MOV10: variants seen among roughly 807,000 people sequenced by gnomAD.
MOV10 encodes the protein Mov10 RNA helicase, also known as RNA helicase MOV-10.
In MOV10, 39 loss-of-function variants were observed where a neutral mutation model predicts 108.4. The ratio of observed to expected loss-of-function variants is 0.36; its 90% CI spans 0.28 to 0.47. MOV10 has a LOEUF of 0.47. Among genes scored for constraint, MOV10 ranks in the 20% least tolerant of loss-of-function variants. The pLI is 1.00. For synonymous variants in MOV10, 490 were observed against 523.1 expected (o/e 0.94, Z 0.86); for missense variants, 952 against 1,297.6 (o/e 0.73, Z 4.09).
chr1:112,689,923 C>T lies in MOV10; in HGVS notation c.661C>T (p.Pro221Ser). Residue 221 changes from proline (P) to serine (S), a missense_variant, in exon 5 of 21, where the codon CCT becomes TCT. Coordinates refer to ENST00000369645, the MANE Select transcript of MOV10 (RefSeq NM_001321324.2). ...PATVLWELLG[P>S]GESGSEGAGT... ...CACAGTGCTCTGGGAGCTGCTGGGA[C>T]CTGGGGAGTCGGGTTCAGAAGGAGC... 1 of 1,614,204 alleles carries T rather than the reference C, an allele frequency of 6.2e-7. No individual in the cohort carries two copies. Among genetic ancestry groups the T allele is most frequent in the South Asian group, 1.1e-5 (1 of 91,088 alleles).
chr1:112,698,216 G>T (rs1227102670), intron 15 of MOV10, 71 bp from the exon 16 acceptor site: 1 of 1,601,326 alleles, frequency 6.2e-7, no homozygotes, highest in Non-Finnish European at 8.5e-7. Flanking sequence ...TTACTCTCTG[G>T]AAGGGTTTGG....
chr1:112,695,388 T>A, intron 10 of MOV10, 28 bp from the exon 11 acceptor site: 1 of 1,610,182 alleles, frequency 6.2e-7, no homozygotes, highest in Non-Finnish European at 8.5e-7. Context: ...GGAACCTGCC[T>A]CCCACACTGC....
At position 112,689,935 on chromosome 1, in the gene MOV10, G is replaced by A; in HGVS notation, c.673G>A (p.Gly225Ser). The change falls in exon 5 of 21, where the codon GGT becomes AGT. Residue 225 changes from glycine to serine, a missense_variant. Gly to Ser is a moderately conservative substitution (Grantham distance 56). Coordinates refer to ENST00000369645, the MANE Select transcript of MOV10 (RefSeq NM_001321324.2). ...LWELLGPGESGSEGAGTFYIA... is the reference protein window; with the variant it reads ...LWELLGPGESSSEGAGTFYIA... ...GGAGCTGCTGGGACCTGGGGAGTCGGGTTCAGAAGGAGCCGGCACATTCTA... is the reference window on the plus strand; with the variant it reads ...GGAGCTGCTGGGACCTGGGGAGTCGAGTTCAGAAGGAGCCGGCACATTCTA... The A allele has an allele frequency of 6.2e-7, 1 of 1,614,186 alleles. No individual in the cohort carries two copies. Among genetic ancestry groups the A allele is most frequent in the African/African-American group, 1.3e-5 (1 of 75,042 alleles).
rs1391739211 is a variant in MOV10, at chr1:112,692,926, G to A, written c.1137G>A (p.Leu379=). The change falls in exon 7 of 21, where the codon CTG becomes CTA. Residue 379 remains leucine, a synonymous_variant. Coordinates refer to ENST00000369645, the MANE Select transcript of MOV10 (RefSeq NM_001321324.2). The part of the protein sequence containing the change: ...PVDQNPRLLT[L]EVPGVTESRP... ...ACCAGAACCCCAGGCTGCTCACGCT[G>A]GAGGTCAGGGCTCAGATTGAGTGTG... 1.2e-6 allele frequency: 2 copies of A among 1,607,352 alleles called. No individual in the cohort carries two copies.
chr1:112,678,272 A>G (rs1672354474), intron 2 of MOV10, among the ~76,000 whole-genome samples: 1 of 152,098 alleles, frequency 6.6e-6, no homozygotes, highest in East Asian at 1.9e-4. Flanking sequence ...TTAGGAGTCC[A>G]TTGTATGGGG....
intron 6 of MOV10, among the ~76,000 whole-genome samples, chr1:112,692,167 CA>C (rs1452687775): frequency 1.3e-5 from 2 of 151,366 alleles, no homozygotes; most frequent in Non-Finnish European, 2.9e-5. Flanking sequence ...TCTGTCTCTA[CA>C]AAAAAAAATT....
rs763895465 is a variant in MOV10, at chr1:112,694,521, G to A, written c.1364G>A (p.Arg455Gln). The A allele has an allele frequency of 1.9e-6, 3 of 1,614,120 alleles. No individual in the cohort carries two copies. The highest frequency in any genetic ancestry group is 1.1e-5 in the South Asian group (1 of 91,080). The change falls in exon 9 of 21, where the codon CGA becomes CAA. Residue 455 changes from arginine to glutamine, a missense_variant. Arg to Gln is a conservative substitution (Grantham distance 43). This residue lies in a region of MOV10 where 453 missense variants were observed against 611.5 expected (regional missense o/e 0.74). Transcript: ENST00000369645. This position sits in a 1 kb window ranked among gnomAD's most constrained non-coding sequence, Gnocchi z 4.1. ...VNFTFNRQPL[R>Q]VQHRALELTG... Reference sequence around the variant, plus strand: ...TTTACCTTCAACCGCCAGCCGCTGCGAGTCCAGCACCGTGCCCTGGAGCTG... The same window carrying A: ...TTTACCTTCAACCGCCAGCCGCTGCAAGTCCAGCACCGTGCCCTGGAGCTG...
Position 112,674,986 on chromosome 1 carries a change from G to A in MOV10, c.74G>A (p.Gly25Glu), listed in dbSNP as rs1339040561. The A allele has an allele frequency of 3.2e-6, 5 of 1,583,164 alleles. No homozygotes were observed. In the South Asian group the frequency reaches 3.4e-5, roughly 11 times the overall value. Reference protein sequence around the residue: ...QCFESFLVVRGLDMETDRERL... With the variant: ...QCFESFLVVRELDMETDRERL... ...TTCGAGAGTTTCCTGGTCGTTCGGGGACTGGACATGGAGACAGATCGCGAG... is the reference window on the plus strand; with the variant it reads ...TTCGAGAGTTTCCTGGTCGTTCGGGAACTGGACATGGAGACAGATCGCGAG... The change falls in exon 2 of 21, where the codon GGA becomes GAA. Residue 25 changes from glycine to glutamate, a missense_variant. Gly to Glu is a moderately conservative substitution (Grantham distance 98). Around this residue, in one of 5 missense-constraint regions of MOV10, gnomAD observed 374 missense variants for 468.6 expected, o/e 0.80. Transcript: ENST00000369645.
chr1:112,693,129 A>G (rs544581768), intron 7 of MOV10, among the ~76,000 whole-genome samples, 200 bp downstream of exon 7: 5 of 152,364 alleles, frequency 3.3e-5, no homozygotes, highest in South Asian at 2.1e-4. Flanking sequence ...GTTCTAGTCC[A>G]GGCTTTGCTA....
chr1:112,682,914 G>A (rs1398213855), intron 2 of MOV10, among the ~76,000 whole-genome samples: 1 of 137,036 alleles, frequency 7.3e-6, no homozygotes, highest in East Asian at 2.2e-4. Context: ...GAAGCTCCTA[G>A]GAACATCTTT....
chr1:112,685,339 G>A (rs1672987757), intron 2 of MOV10, among the ~76,000 whole-genome samples: 1 of 151,898 alleles, frequency 6.6e-6, no homozygotes, highest in African/African-American at 2.4e-5. Context: ...TTCCAGTCTT[G>A]GTTAGAAAGT....
At chr1:112,686,324 T>G (rs926727611) in intron 2 of MOV10, among the ~76,000 whole-genome samples, 1 of 152,234 alleles carries the variant, frequency 6.6e-6, no homozygotes, top group Non-Finnish European at 1.5e-5. Flanking sequence ...GGGACTTTGA[T>G]GGACTCTAAG....
chr1:112,677,114 T>G (rs1672256226), intron 2 of MOV10, among the ~76,000 whole-genome samples: 1 of 152,150 alleles, frequency 6.6e-6, no homozygotes, highest in Non-Finnish European at 1.5e-5. Context: ...GGCATTGACT[T>G]TAGCCTTGAA....
chr1:112,696,872 G>C (rs373230932), intron 14 of MOV10, 26 bp downstream of exon 14: 3 of 1,545,808 alleles, frequency 1.9e-6, no homozygotes, highest in East Asian at 2.4e-5. Context: ...TGCCTCCCCT[G>C]CCATATCCTA....
Position 112,689,067 on chromosome 1 carries a change from G to C in MOV10, c.270G>C (p.Lys90Asn), listed in dbSNP as rs200320463. 23 of 1,612,384 alleles carry C rather than the reference G, an allele frequency of 1.4e-5. No individual in the cohort carries two copies. The highest frequency in any genetic ancestry group is 4.5e-5 in the East Asian group (2 of 44,898). Residue 90 changes from lysine to asparagine, a missense_variant, in exon 3 of 21, where the codon AAG becomes AAC. By Grantham distance (94) the Lys-to-Asn change is moderately conservative. This residue lies in a region of MOV10 where 374 missense variants were observed against 468.6 expected (regional missense o/e 0.80). Coordinates refer to ENST00000369645, the MANE Select transcript of MOV10 (RefSeq NM_001321324.2). ...DRWADVRFPEKRRMKLGSDIS... is the reference protein window; with the variant it reads ...DRWADVRFPENRRMKLGSDIS... ...GGGCCGACGTGCGGTTCCCAGAAAA[G>C]AGGAGAATGAAGCTGGGGTCAGATA...
Position 112,675,563 on chromosome 1 carries a change from A to G in MOV10, c.137+514A>G, listed in dbSNP as rs765832834. ...GAGAACTGAAGAGGCCCAGGGTAGA[A>G]GGGAGAAGCTCAGGAAGCTCTGGAA... On this transcript the variant is annotated intron_variant, in intron 2 of 20. Transcript: ENST00000369645. The surrounding 1 kb of genome is among the most constrained non-coding windows in gnomAD (Gnocchi z 4.7). Among the ~76,000 whole-genome samples the G allele has an allele frequency of 6.6e-6, 1 of 152,226 alleles. No individual in the cohort carries two copies. Among genetic ancestry groups the G allele is most frequent in the East Asian group, 1.9e-4 (1 of 5,194 alleles).
At chr1:112,690,488 T>G (rs1249258124) in intron 5 of MOV10, among the ~76,000 whole-genome samples, 1 of 152,002 alleles carries the variant, frequency 6.6e-6, no homozygotes, top group East Asian at 1.9e-4. Flanking sequence ...GCCTCCTGAG[T>G]AGCTGGGATT....
At chr1:112,696,051 A>C in intron 11 of MOV10, 97 bp from the exon 12 acceptor site, 1 of 863,814 alleles carries the variant, frequency 1.2e-6, no homozygotes, top group Non-Finnish European at 1.9e-6. Flanking sequence ...ATTAAAAAAA[A>C]TAAAAATAAT....
intron 7 of MOV10, 51 bp from the exon 8 acceptor site, chr1:112,693,967 C>T: frequency 6.3e-7 from 1 of 1,596,672 alleles, no homozygotes; most frequent in Non-Finnish European, 8.6e-7. Context: ...GGGCTGGGCC[C>T]TCCAGCGTCC....
Sources: gnomAD v4.1 joint callset for allele counts (sites outside exome capture counted in the v4.1 genomes callset) on GRCh38, gnomAD v4.1.1 for gene constraint, gnomAD v4.1.1 regional missense constraint, Gnocchi (gnomAD v3.1) non-coding constraint, MANE v1.5 for transcripts, NCBI Gene and HGNC (gene_info 2026-07-23, HGNC 2026-07-21) for gene names.